The following RASAL2 variants were observed in gnomAD, a reference collection of about 807,000 sequenced individuals.
The protein encoded by RASAL2 is ras GTPase-activating protein nGAP.
RASAL2 carries 58 observed loss-of-function variants against 128.9 expected under a neutral mutation model. The observed-to-expected ratio is 0.45, with a 90% CI of 0.36 to 0.56. RASAL2 has a LOEUF of 0.56. Among genes scored for constraint, RASAL2 ranks in the 20% least tolerant of loss-of-function variants. RASAL2 has a pLI of 0.00. For missense variants in RASAL2, 1,360 were observed against 1,601.6 expected (o/e 0.85, Z 2.57); for synonymous variants, 561 against 580.8 (o/e 0.97, Z 0.49).
intron 1 of RASAL2, among the ~76,000 whole-genome samples, chr1:178,179,188 G>T (rs921263798): frequency 3.3e-5 from 5 of 152,148 alleles, no homozygotes; most frequent in Non-Finnish European, 7.3e-5. Context: ...GATTTCTGTG[G>T]TGTAAATATT....
chr1:178,269,755 A>C (rs374847897), intron 1 of RASAL2, among the ~76,000 whole-genome samples: 1 of 152,168 alleles, frequency 6.6e-6, no homozygotes, highest in Non-Finnish European at 1.5e-5. Flanking sequence ...AACCATAAAA[A>C]TGGGCAACCA....
chr1:178,202,205 G>C (rs1422990077), intron 1 of RASAL2, among the ~76,000 whole-genome samples: 1 of 152,182 alleles, frequency 6.6e-6, no homozygotes, highest in Admixed American at 6.5e-5. Flanking sequence ...TCGTCAAATG[G>C]AAGTGGTATA....
intron 1 of RASAL2, among the ~76,000 whole-genome samples, chr1:178,171,446 T>G (rs2101911708): frequency 6.6e-6 from 1 of 152,096 alleles, no homozygotes; most frequent in East Asian, 1.9e-4. Flanking sequence ...TTAAAAATAT[T>G]GGGAAATTCA....
chr1:178,332,618 T>A (rs866869453), intron 3 of RASAL2, among the ~76,000 whole-genome samples: 1 of 151,344 alleles, frequency 6.6e-6, no homozygotes, highest in Non-Finnish European at 1.5e-5. Context: ...CAATTCTTTT[T>A]TTTTTTTTTT....
intron 4 of RASAL2, among the ~76,000 whole-genome samples, chr1:178,407,587 G>C (rs1674076541): frequency 6.6e-6 from 1 of 152,148 alleles, no homozygotes; most frequent in South Asian, 2.1e-4. Flanking sequence ...TTCTTACTGT[G>C]AATCAGGTAA....
intron 1 of RASAL2, among the ~76,000 whole-genome samples, chr1:178,175,180 CAT>C: frequency 6.6e-6 from 1 of 152,218 alleles, no homozygotes; most frequent in Admixed American, 6.5e-5. Context: ...ATGATTTTGA[CAT>C]GTGTTTTTTT....
intron 3 of RASAL2, among the ~76,000 whole-genome samples, chr1:178,332,667 G>C (rs547714028): frequency 1.4e-5 from 2 of 147,100 alleles, no homozygotes; most frequent in African/African-American, 5.0e-5. Flanking sequence ...GCTGGAGTGC[G>C]GTGGCGCGAT....
At chr1:178,263,658 T>A (rs1665802697) in intron 1 of RASAL2, among the ~76,000 whole-genome samples, 1 of 152,208 alleles carries the variant, frequency 6.6e-6, no homozygotes, top group Non-Finnish European at 1.5e-5. Context: ...TGCCAGGGTT[T>A]CAGTTTGACT....
At chr1:178,286,287 G>T (rs1416099323) in intron 2 of RASAL2, among the ~76,000 whole-genome samples, 3 of 152,120 alleles carry the variant, frequency 2.0e-5, no homozygotes, top group Non-Finnish European at 2.9e-5. Flanking sequence ...ATTAAGTTTT[G>T]TCAGTGGATG....
At chr1:178,113,447 G>A (rs898821467) in intron 1 of RASAL2, among the ~76,000 whole-genome samples, 14 of 151,584 alleles carry the variant, frequency 9.2e-5, no homozygotes, top group African/African-American at 3.4e-4. Flanking sequence ...TAGGACTGCA[G>A]GCATGCATCA....
At chr1:178,348,915 T>C (rs1670296388) in intron 3 of RASAL2, among the ~76,000 whole-genome samples, 1 of 150,912 alleles carries the variant, frequency 6.6e-6, no homozygotes, top group East Asian at 2.0e-4. Flanking sequence ...TTCTCCTGCC[T>C]CAGCCTCCCA....
chr1:178,336,885 T>A (rs898085154), intron 3 of RASAL2, among the ~76,000 whole-genome samples: 1 of 152,146 alleles, frequency 6.6e-6, no homozygotes, highest in African/African-American at 2.4e-5. Context: ...TTTAGTATAA[T>A]CTTACTCATA....
chr1:178,101,218 C>A (rs975618784), intron 1 of RASAL2, among the ~76,000 whole-genome samples: 10 of 152,024 alleles, frequency 6.6e-5, no homozygotes, highest in African/African-American at 2.2e-4. Flanking sequence ...AAAATTGAAC[C>A]CTTAAAGGCA....
At chr1:178,137,107 A>T (rs567346666) in intron 1 of RASAL2, among the ~76,000 whole-genome samples, 1 of 152,322 alleles carries the variant, frequency 6.6e-6, no homozygotes, top group East Asian at 1.9e-4. Flanking sequence ...GCTTTCCAAA[A>T]TTTTGAGACA....
intron 5 of RASAL2, 96 bp from the exon 6 acceptor site, chr1:178,439,326 G>T: frequency 9.3e-7 from 1 of 1,080,698 alleles, no homozygotes; most frequent in Non-Finnish European, 1.3e-6. Flanking sequence ...TCTTCCCTTA[G>T]GCATTTGTAC....
chr1:178,261,654 A>G (rs1234254208), intron 1 of RASAL2, among the ~76,000 whole-genome samples: 1 of 152,108 alleles, frequency 6.6e-6, no homozygotes, highest in Non-Finnish European at 1.5e-5. Context: ...GGGCGTGGTG[A>G]CTCAACGCGT....
rs1194576654 is a variant in RASAL2, at chr1:178,476,315, A to G, written c.*3076A>G. On this transcript the variant is annotated 3_prime_UTR_variant, in exon 18 of 18. Transcript: ENST00000367649. Reference sequence around the variant, plus strand: ...TCATATTCCCCTTTTATATTACTGAAGCAATAAGCAATCTGAGCTGAAGCA... The same window carrying G: ...TCATATTCCCCTTTTATATTACTGAGGCAATAAGCAATCTGAGCTGAAGCA... 1 of 152,224 alleles carries G rather than the reference A, an allele frequency of 6.6e-6. No individual in the cohort carries two copies. Among genetic ancestry groups the G allele is most frequent in the Non-Finnish European group, 1.5e-5 (1 of 68,038 alleles). 9.4% of individuals were successfully genotyped at this position (152,224 alleles called of 1,614,324 possible).
chr1:178,439,097 T>C (rs1473372825), intron 5 of RASAL2, among the ~76,000 whole-genome samples: 3 of 152,104 alleles, frequency 2.0e-5, no homozygotes, highest in Non-Finnish European at 4.4e-5. Context: ...GAGTATATAT[T>C]TCTCCGTCTT....
At chr1:178,155,570 A>G (rs1389761796) in intron 1 of RASAL2, among the ~76,000 whole-genome samples, 2 of 151,502 alleles carry the variant, frequency 1.3e-5, no homozygotes, top group Admixed American at 6.6e-5. Flanking sequence ...TTTTTTAGTC[A>G]GTTCTGAAGC....
Sources: allele counts gnomAD v4.1 joint callset (sites outside exome capture counted in the v4.1 genomes callset), GRCh38; gene constraint gnomAD v4.1.1; transcripts MANE v1.5; gene names NCBI Gene and HGNC (gene_info 2026-07-23, HGNC 2026-07-21).